Variants in PCDH8 observed in about 807,000 individuals in gnomAD.
PCDH8 encodes protocadherin 8.
Under a neutral mutation model 58.2 loss-of-function variants are expected in PCDH8, and 36 were observed. The observed-to-expected ratio is 0.62, with a 90% CI of 0.47 to 0.82. PCDH8 has a LOEUF of 0.82. Among genes scored for constraint, PCDH8 ranks in the 40% least tolerant of loss-of-function variants. The pLI is 0.00. For missense variants in PCDH8, 1,493 were observed against 1,567.8 expected (o/e 0.95, Z 0.81); for synonymous variants, 775 against 728.9 (o/e 1.06, Z -1.02).
rs773420151 is a variant in PCDH8, at chr13:52,846,283, C to G, written c.2154G>C (p.Pro718=). 5 of 1,575,084 alleles carry G rather than the reference C, an allele frequency of 3.2e-6. No individual in the cohort carries two copies. The highest frequency in any genetic ancestry group is 4.3e-6 in the Non-Finnish European group (5 of 1,166,418). ...GGCTTCCTGCACTGGCAGGCGCAGC[C>G]GGCCCACGCCCGCCCCCTGCTGTTA... ...FVVTAGGGRG[P]AAPASAGSPE... Residue 718 remains proline (P), a synonymous_variant, in exon 1 of 3, where the codon CCG becomes CCC. Coordinates refer to ENST00000377942, the MANE Select transcript of PCDH8 (RefSeq NM_002590.4).
In PCDH8 at chr13:52,848,409, G is replaced by A; in HGVS notation, c.28C>T (p.Pro10Ser). Residue 10 changes from proline to serine, a missense_variant, in exon 1 of 3, where the codon CCC (proline) becomes TCC (serine). Transcript: ENST00000377942. The stretch of plus-strand genomic sequence containing the variant: ...AAGAGCTGCAAGGGGAAAAGGCAGG[G>A]GCTGCCCCAACGCCTCACAGGACTC... MSPVRRWGS[P>S]CLFPLQLFSL... is the part of the protein sequence containing the mutation. 6.2e-7 allele frequency: 1 copy of A among 1,608,660 alleles called. No individual in the cohort carries two copies. Among genetic ancestry groups the A allele is most frequent in the South Asian group, 1.1e-5 (1 of 90,946 alleles).
chr13:52,845,370 G>C (rs1007304357), intron 2 of PCDH8, 55 bp downstream of exon 2: 113 of 1,523,368 alleles, frequency 7.4e-5, no homozygotes, highest in Non-Finnish European at 1.0e-4. Context: ...GCAAACAGTG[G>C]TGAAGGGGAG....
In PCDH8 at chr13:52,848,632, A is replaced by C; in HGVS notation, c.-196T>G. The C allele has an allele frequency of 1.8e-6, 2 of 1,131,758 alleles. No individual in the cohort carries two copies. Among genetic ancestry groups the C allele is most frequent in the Non-Finnish European group, 2.4e-6 (2 of 844,666 alleles). 70.1% of individuals were successfully genotyped at this position (1,131,758 alleles called of 1,614,324 possible). A position where few individuals can be genotyped will look rare whatever the true frequency, so the allele number is the denominator to read the frequency against. ...CTCACTCTGCGCCTCTCCGTCTCTT[A>C]CAGAAGCTGCGCCGCCTCGCGCCGC... On this transcript the variant is annotated 5_prime_UTR_variant, in exon 1 of 3. Coordinates refer to ENST00000377942, the MANE Select transcript of PCDH8 (RefSeq NM_002590.4).
chr13:52,848,498 C>T lies in PCDH8; in HGVS notation c.-62G>A. 1 of 1,509,526 alleles carries T rather than the reference C, an allele frequency of 6.6e-7. No individual in the cohort carries two copies. The highest frequency in any genetic ancestry group is 2.1e-5 in the Admixed American group (1 of 48,070). The allele number at this position is 1,509,526 out of a possible 1,614,324, so 93.5% of individuals were successfully genotyped here. A position where few individuals can be genotyped will look rare whatever the true frequency, so the allele number is the denominator to read the frequency against. ...AGTCTTCTCTGGTTTCCAGGTCGGGCGTCAGTCTCAGGCTCTCGGAATCAC... is the reference window on the plus strand; with the variant it reads ...AGTCTTCTCTGGTTTCCAGGTCGGGTGTCAGTCTCAGGCTCTCGGAATCAC... On this transcript the variant is annotated 5_prime_UTR_variant, in exon 1 of 3. Coordinates refer to ENST00000377942, the MANE Select transcript of PCDH8 (RefSeq NM_002590.4).
Position 52,846,563 on chromosome 13 carries a change from C to T in PCDH8, c.1874G>A (p.Gly625Glu). The T allele has an allele frequency of 1.2e-6, 2 of 1,603,200 alleles. No individual in the cohort carries two copies. The highest frequency in any genetic ancestry group is 1.1e-5 in the South Asian group (1 of 90,632). Residue 625 changes from glycine to glutamate, a missense_variant, in exon 1 of 3, where the codon GGG (glycine) becomes GAG (glutamate). Around this residue, in one of 3 missense-constraint regions of PCDH8, gnomAD observed 1,307 missense variants for 1,362.7 expected, o/e 0.96. Coordinates refer to ENST00000377942, the MANE Select transcript of PCDH8 (RefSeq NM_002590.4). ...CACAACCGTGTCCTTTGCGGTGCGC[C>T]CAGGCACCGCCACTTCTAGGGAGCC... ...ANGSLEVAVP[G>E]RTAKDTVVAR...
chr13:52,844,442 CCAA>C lies in PCDH8; in HGVS notation c.*115_*117del. ...GTACCAATGTGATTGGAAATAGCTT[CCAA>C]CAACTTCATTGTAAGGCACATCTTG... On this transcript the variant is annotated 3_prime_UTR_variant, in exon 3 of 3. Coordinates refer to ENST00000377942, the MANE Select transcript of PCDH8 (RefSeq NM_002590.4). The C allele has an allele frequency of 1.2e-6, 1 of 822,092 alleles. No individual in the cohort carries two copies. Among genetic ancestry groups the C allele is most frequent in the Non-Finnish European group, 1.8e-6 (1 of 547,062 alleles). The allele number at this position is 822,092 out of a possible 1,614,324, so 50.9% of individuals were successfully genotyped here.
Position 52,846,639 on chromosome 13 carries a change from G to A in PCDH8, c.1798C>T (p.Leu600=). ...ACTGGCGCATGGTCGTTCTGGTCCA[G>A]CACGCGCACTTGCACTAGGGCGCTG... ...SSSALVQVRV[L]DQNDHAPVLV... Residue 600 remains leucine, a synonymous_variant, in exon 1 of 3, where the codon CTG becomes TTG. Transcript: ENST00000377942. 6.2e-7 allele frequency: 1 copy of A among 1,604,240 alleles called. No individual in the cohort carries two copies. Among genetic ancestry groups the A allele is most frequent in the Non-Finnish European group, 8.5e-7 (1 of 1,178,088 alleles).
Position 52,848,173 on chromosome 13 carries a change from G to C in PCDH8, c.264C>G (p.Ala88=). 3 of 1,612,504 alleles carry C rather than the reference G, an allele frequency of 1.9e-6. No homozygotes were observed. The highest frequency in any genetic ancestry group is 1.7e-6 in the Non-Finnish European group (2 of 1,179,628). Residue 88 remains alanine (A), a synonymous_variant, in exon 1 of 3, where the codon GCC becomes GCG. Transcript: ENST00000377942. ...CACACAGCCGCTCGCGGTCCAGGCC[G>C]GCGTCCCCGACGGTCAGCTGCCCGT... is the stretch of plus-strand genomic sequence containing the variant. ...EGDGQLTVGD[A]GLDRERLCGQ... is the part of the protein sequence containing the mutation.
Position 52,844,883 on chromosome 13 carries a change from A to G in PCDH8, c.2890T>C (p.Cys964Arg). 3 of 1,578,284 alleles carry G rather than the reference A, an allele frequency of 1.9e-6. No homozygotes were observed. Among genetic ancestry groups the G allele is most frequent in the Non-Finnish European group, 2.6e-6 (3 of 1,160,430 alleles). ...ECKILGHSDR[C>R]WSPSCSGPNA... Reference sequence around the variant, plus strand: ...GGCCCGCTGCAGGATGGGCTCCAGCAGCGGTCAGAGTGGCCCAGGATCTTA... The same window carrying G: ...GGCCCGCTGCAGGATGGGCTCCAGCGGCGGTCAGAGTGGCCCAGGATCTTA... The change falls in exon 3 of 3, where the codon TGC (cysteine) becomes CGC (arginine). Residue 964 changes from cysteine (C) to arginine (R), a missense_variant. This residue lies in a region of PCDH8 where 182 missense variants were observed against 178.9 expected (regional missense o/e 1.02). Transcript: ENST00000377942.
rs371597027 is a variant in PCDH8 at position 52,847,675 on chromosome 13, C to T, written c.762G>A (p.Glu254=). 1.3e-5 allele frequency: 20 copies of T among 1,563,978 alleles called. No homozygotes were observed. The highest frequency in any genetic ancestry group is 1.6e-5 in the Non-Finnish European group (19 of 1,164,536). Residue 254 remains glutamate (E), a synonymous_variant, in exon 1 of 3, where the codon GAG becomes GAA. Transcript: ENST00000377942. ...AFPQGAVAEV[E]LAEDAPVGSL... is the part of the protein sequence containing the mutation. ...AGCCCACGGGCGCGTCTTCCGCCAG[C>T]TCCACTTCGGCCACGGCGCCCTGCG... is the stretch of plus-strand genomic sequence containing the variant.
chr13:52,846,218 G>A lies in PCDH8; in HGVS notation c.2219C>T (p.Ser740Phe). 1.3e-6 allele frequency: 2 copies of A among 1,586,466 alleles called. No homozygotes were observed. The highest frequency in any genetic ancestry group is 8.5e-7 in the Non-Finnish European group (1 of 1,173,756). The stretch of plus-strand genomic sequence containing the variant: ...CGTGTCCCATTGCAGCACCGACCCG[G>A]ACACCCCGAGCCGAGAGCCAGGCGG... ...SRPPGSRLGV[S>F]GSVLQWDTPL... Residue 740 changes from serine to phenylalanine, a missense_variant, in exon 1 of 3, where the codon TCC becomes TTC. Physicochemically the swap from Ser to Phe is radical, Grantham distance 155 (BLOSUM62 -2). Transcript: ENST00000377942.
Position 52,846,501 on chromosome 13 carries a change from T to A in PCDH8, c.1936A>T (p.Asn646Tyr). 3.1e-6 allele frequency: 5 copies of A among 1,597,740 alleles called. No homozygotes were observed. Among genetic ancestry groups the A allele is most frequent in the African/African-American group, 1.3e-5 (1 of 74,970 alleles). The stretch of plus-strand genomic sequence containing the variant: ...TGCAGCTCGAACGCCAGCTCCCCGT[T>A]GGCTCCCTCGTCTGCATCCCGGGCC... ...VQARDADEGA[N>Y]GELAFELQQQ... Residue 646 changes from asparagine (N) to tyrosine (Y), a missense_variant, in exon 1 of 3, where the codon AAC becomes TAC. By Grantham distance (143) the Asn-to-Tyr change is moderately radical. Around this residue, in one of 3 missense-constraint regions of PCDH8, gnomAD observed 1,307 missense variants for 1,362.7 expected, o/e 0.96. Transcript: ENST00000377942.
At position 52,844,750 on chromosome 13, in the gene PCDH8, A is replaced by G. The variant is rs1387963154; in HGVS notation, c.3023T>C (p.Leu1008Pro). 4.3e-5 allele frequency: 69 copies of G among 1,613,268 alleles called. No homozygotes were observed. The highest frequency in any genetic ancestry group is 5.5e-5 in the Non-Finnish European group (65 of 1,179,604). ...LRRDNYYQAQ[L>P]PKTVGLQSVY... ...GCTCTGCAGCCCCACTGTCTTGGGC[A>G]GCTGGGCCTGGTAGTAATTGTCCCT... Residue 1008 changes from leucine (L) to proline (P), a missense_variant, in exon 3 of 3, where the codon CTG (leucine) becomes CCG (proline). Transcript: ENST00000377942.
chr13:52,846,236 C>T lies in PCDH8; in HGVS notation c.2201G>A (p.Gly734Asp). The T allele has an allele frequency of 1.9e-6, 3 of 1,584,714 alleles. No homozygotes were observed. The highest frequency in any genetic ancestry group is 2.6e-6 in the Non-Finnish European group (3 of 1,172,470). Residue 734 changes from glycine to aspartate, a missense_variant, in exon 1 of 3, where the codon GGC becomes GAC. Physicochemically the swap from Gly to Asp is moderately conservative, Grantham distance 94 (BLOSUM62 -1). Coordinates refer to ENST00000377942, the MANE Select transcript of PCDH8 (RefSeq NM_002590.4). Reference sequence around the variant, plus strand: ...CGACCCGGACACCCCGAGCCGAGAGCCAGGCGGGCGGGAACGCTCCGGGCT... The same window carrying T: ...CGACCCGGACACCCCGAGCCGAGAGTCAGGCGGGCGGGAACGCTCCGGGCT... ...AGSPERSRPPGSRLGVSGSVL... is the reference protein window; with the variant it reads ...AGSPERSRPPDSRLGVSGSVL...
rs2138351387 is a variant in PCDH8 at position 52,843,979 on chromosome 13, C to G, written c.*581G>C. ...CATGAAAAGCAATTGGCAGATTCTT[C>G]AAACACATGACAAATCTTTTATTAC... On this transcript the variant is annotated 3_prime_UTR_variant, in exon 3 of 3. Coordinates refer to ENST00000377942, the MANE Select transcript of PCDH8 (RefSeq NM_002590.4). 6.5e-6 allele frequency: 1 copy of G among 152,688 alleles called. No individual in the cohort carries two copies. The highest frequency in any genetic ancestry group is 3.4e-3 in the Middle Eastern group (1 of 294). The allele number at this position is 152,688 out of a possible 1,614,324, so 9.5% of individuals were successfully genotyped here.
At position 52,846,384 on chromosome 13, in the gene PCDH8, C is replaced by G; in HGVS notation, c.2053G>C (p.Val685Leu). 6.3e-7 allele frequency: 1 copy of G among 1,590,626 alleles called. No individual in the cohort carries two copies. The highest frequency in any genetic ancestry group is 8.5e-7 in the Non-Finnish European group (1 of 1,171,408). Reference sequence around the variant, plus strand: ...GATATGACCAGGAGCGCCCTGAACACGCGACCGGGTGGCTCCTGCGAGAGG... The same window carrying G: ...GATATGACCAGGAGCGCCCTGAACAGGCGACCGGGTGGCTCCTGCGAGAGG... The part of the protein sequence containing the change: ...GDLSQEPPGR[V>L]FRALLVISDG... The change falls in exon 1 of 3, where the codon GTG becomes CTG. Residue 685 changes from valine to leucine, a missense_variant. Around this residue, in one of 3 missense-constraint regions of PCDH8, gnomAD observed 1,307 missense variants for 1,362.7 expected, o/e 0.96. Transcript: ENST00000377942.
chr13:52,847,902 T>A lies in PCDH8; in HGVS notation c.535A>T (p.Ser179Cys). ...GTCTGCAGCTCCACGCGAAAGGGGC[T>A]GTGCGGCTCGGCCAGGCGCACGGTC... ...LQTVRLAEPH[S>C]PFRVELQTRA... The change falls in exon 1 of 3, where the codon AGC (serine) becomes TGC (cysteine). Residue 179 changes from serine to cysteine, a missense_variant. Ser to Cys is a moderately radical substitution (Grantham distance 112). This residue lies in a region of PCDH8 where 1,307 missense variants were observed against 1,362.7 expected (regional missense o/e 0.96). Coordinates refer to ENST00000377942, the MANE Select transcript of PCDH8 (RefSeq NM_002590.4). 1.3e-6 allele frequency: 2 copies of A among 1,580,210 alleles called. No homozygotes were observed. The highest frequency in any genetic ancestry group is 1.7e-6 in the Non-Finnish European group (2 of 1,166,872).
At position 52,848,272 on chromosome 13, in the gene PCDH8, C is replaced by T; in HGVS notation, c.165G>A (p.Met55Ile). 6.2e-7 allele frequency: 1 copy of T among 1,613,694 alleles called. No individual in the cohort carries two copies. Among genetic ancestry groups the T allele is most frequent in the Non-Finnish European group, 8.5e-7 (1 of 1,180,032 alleles). ...VIGTLAEDLH[M>I]KVSGDTSFRL... ...GGAAGCTTGTGTCACCCGATACTTTCATATGCAGGTCCTCGGCCAGGGTCC... is the reference window on the plus strand; with the variant it reads ...GGAAGCTTGTGTCACCCGATACTTTTATATGCAGGTCCTCGGCCAGGGTCC... The change falls in exon 1 of 3, where the codon ATG becomes ATA. Residue 55 changes from methionine to isoleucine, a missense_variant. Physicochemically the swap from Met to Ile is conservative, Grantham distance 10. Around this residue, in one of 3 missense-constraint regions of PCDH8, gnomAD observed 1,307 missense variants for 1,362.7 expected, o/e 0.96. Coordinates refer to ENST00000377942, the MANE Select transcript of PCDH8 (RefSeq NM_002590.4).
Position 52,844,947 on chromosome 13 carries a change from G to A in PCDH8, c.2840-14C>T. 2 of 1,510,536 alleles carry A rather than the reference G, an allele frequency of 1.3e-6. No homozygotes were observed. The highest frequency in any genetic ancestry group is 1.8e-6 in the Non-Finnish European group (2 of 1,130,124). 93.6% of individuals were successfully genotyped at this position (1,510,536 alleles called of 1,614,324 possible). A position where few individuals can be genotyped will look rare whatever the true frequency, so the allele number is the denominator to read the frequency against. ...ACGCCCACAGTCCTAATACGAAAGG[G>A]AAAAGGAAACAGCATGACGATTATT... On this transcript the variant is annotated splice_polypyrimidine_tract_variant and intron_variant, in intron 2 of 2. Transcript: ENST00000377942.
Sources: allele counts gnomAD v4.1 joint callset, GRCh38; gene constraint gnomAD v4.1.1; regional missense constraint gnomAD v4.1.1; transcripts MANE v1.5; gene names NCBI Gene and HGNC (gene_info 2026-07-23, HGNC 2026-07-21).